Variants in VDAC1 observed in about 807,000 individuals in gnomAD.
VDAC1 encodes the protein non-selective voltage-gated ion channel VDAC1.
Under a neutral mutation model 34.7 loss-of-function variants are expected in VDAC1, and 10 were observed. The ratio of observed to expected loss-of-function variants is 0.29; its 90% confidence interval spans 0.18 to 0.49. VDAC1 has a LOEUF of 0.49. VDAC1 is among the 20% of genes least tolerant of loss of function. The pLI is 0.99. For missense variants in VDAC1, 230 were observed against 347.9 expected (o/e 0.66, Z 2.69); for synonymous variants, 130 against 136.0 (o/e 0.96, Z 0.30).
chr5:134,046,709 G>C, the VDAC1 span, among the ~76,000 whole-genome samples: 1 of 152,130 alleles, frequency 6.6e-6, no homozygotes, highest in Admixed American at 6.6e-5. Context: ...AGCACCTCAG[G>C]GGAAAGGAAA....
the VDAC1 span, among the ~76,000 whole-genome samples, chr5:134,103,227 T>G: frequency 6.6e-6 from 1 of 152,144 alleles, no homozygotes; most frequent in East Asian, 1.9e-4. Flanking sequence ...GCTCAAGCCA[T>G]CCGCCCACCT....
At chr5:133,977,634 C>T (rs1341984416) in intron 6 of VDAC1, among the ~76,000 whole-genome samples, 2 of 152,160 alleles carry the variant, frequency 1.3e-5, no homozygotes, top group Non-Finnish European at 2.9e-5. Context: ...GGGCTGGGGT[C>T]GGCACAGATC....
At chr5:134,070,308 A>G in the VDAC1 span, among the ~76,000 whole-genome samples, 1 of 151,578 alleles carries the variant, frequency 6.6e-6, no homozygotes, top group East Asian at 1.9e-4. Flanking sequence ...TGCTCGGTTA[A>G]TTTTTTTTAT....
chr5:134,002,613 T>C (rs1280439252), intron 1 of VDAC1, among the ~76,000 whole-genome samples: 1 of 152,204 alleles, frequency 6.6e-6, no homozygotes, highest in East Asian at 1.9e-4. Flanking sequence ...CTTTAAATAT[T>C]TGTGACTCTC....
At chr5:134,070,382 G>C in the VDAC1 span, among the ~76,000 whole-genome samples, 1 of 152,106 alleles carries the variant, frequency 6.6e-6, no homozygotes, top group Non-Finnish European at 1.5e-5. Context: ...GCTGCTGTCC[G>C]TGATCTGCCC....
the VDAC1 span, among the ~76,000 whole-genome samples, chr5:134,041,244 A>G: frequency 6.6e-6 from 1 of 152,208 alleles, no homozygotes; most frequent in African/African-American, 2.4e-5. Context: ...CACCTTGCTC[A>G]GGGGACTTCT....
At chr5:134,102,805 T>G in the VDAC1 span, among the ~76,000 whole-genome samples, 1 of 152,148 alleles carries the variant, frequency 6.6e-6, no homozygotes, top group Non-Finnish European at 1.5e-5. Context: ...TTTCCTGAGT[T>G]TGGGCTATAG....
At chr5:133,980,550 T>C (rs2126920813) in intron 6 of VDAC1, among the ~76,000 whole-genome samples, 179 bp downstream of exon 6, 1 of 147,322 alleles carries the variant, frequency 6.8e-6, no homozygotes, top group East Asian at 2.0e-4. Flanking sequence ...AATGGGTAGG[T>C]GGGAAACAAA....
chr5:134,027,776 T>G, the VDAC1 span, among the ~76,000 whole-genome samples: 4 of 149,276 alleles, frequency 2.7e-5, no homozygotes, highest in Non-Finnish European at 5.9e-5. Flanking sequence ...ACTTTTTTTT[T>G]TTTTTTTTTT....
At chr5:134,013,937 G>A in the VDAC1 span, among the ~76,000 whole-genome samples, 27 of 151,408 alleles carry the variant, frequency 1.8e-4, no homozygotes, top group Admixed American at 1.1e-3. Context: ...GTGAGACTCC[G>A]TCTCCCATCC....
At chr5:133,977,512 C>G (rs1403192526) in intron 6 of VDAC1, among the ~76,000 whole-genome samples, 1 of 152,154 alleles carries the variant, frequency 6.6e-6, no homozygotes, top group East Asian at 1.9e-4. Context: ...CTTAAGCTCT[C>G]AGAATTTGAA....
intron 5 of VDAC1, among the ~76,000 whole-genome samples, chr5:133,986,188 A>G (rs1752897554): frequency 6.6e-6 from 1 of 152,176 alleles, no homozygotes; most frequent in Non-Finnish European, 1.5e-5. Context: ...TTTGTGATGG[A>G]TACTCAGCGT....
intron 7 of VDAC1, among the ~76,000 whole-genome samples, chr5:133,975,133 G>A (rs1192512211): frequency 6.6e-6 from 1 of 152,024 alleles, no homozygotes; most frequent in Non-Finnish European, 1.5e-5. Flanking sequence ...AGCCAGGCAT[G>A]CTGGTGTGCC....
the VDAC1 span, among the ~76,000 whole-genome samples, chr5:134,071,750 C>T: frequency 6.6e-6 from 1 of 152,164 alleles, no homozygotes; most frequent in Non-Finnish European, 1.5e-5. The surrounding 1 kb of genome is among the most constrained non-coding windows in gnomAD (Gnocchi z 4.1). Context: ...TGGAGGGTGG[C>T]TGTGGGTTGA....
At chr5:134,096,219 GCCCCACTGACA>G in the VDAC1 span, among the ~76,000 whole-genome samples, 3 of 152,238 alleles carry the variant, frequency 2.0e-5, no homozygotes, top group African/African-American at 7.2e-5. Context: ...CCCTCCCCAG[GCCCCACTGACA>G]CTGCCGAGGG....
chr5:133,986,458 A>T (rs1752910280), intron 5 of VDAC1, among the ~76,000 whole-genome samples: 1 of 151,856 alleles, frequency 6.6e-6, no homozygotes, highest in Admixed American at 6.6e-5. Context: ...GTGCAGTGGT[A>T]CCATCTCGGC....
At chr5:133,989,896 A>C (rs1166729774) in intron 5 of VDAC1, among the ~76,000 whole-genome samples, 2 of 152,212 alleles carry the variant, frequency 1.3e-5, no homozygotes, top group Admixed American at 1.3e-4. Flanking sequence ...TTCCGACCTC[A>C]GGTGATTTGC....
the VDAC1 span, among the ~76,000 whole-genome samples, chr5:134,071,364 C>A: frequency 2.0e-5 from 3 of 152,150 alleles, no homozygotes; most frequent in African/African-American, 7.2e-5. This position sits in a 1 kb window ranked among gnomAD's most constrained non-coding sequence, Gnocchi z 4.1. Flanking sequence ...CACAAAGGGA[C>A]TCGCCCCTTC....
the VDAC1 span, among the ~76,000 whole-genome samples, chr5:134,105,709 TG>T: frequency 6.6e-6 from 1 of 152,342 alleles, no homozygotes; most frequent in African/African-American, 2.4e-5. Flanking sequence ...GGAAGCTGCA[TG>T]GGGACCCGGG....
Sources: gnomAD v4.1 joint callset for allele counts (sites outside exome capture counted in the v4.1 genomes callset) on GRCh38, gnomAD v4.1.1 for gene constraint, Gnocchi (gnomAD v3.1) non-coding constraint, MANE v1.5 for transcripts, NCBI Gene and HGNC (gene_info 2026-07-23, HGNC 2026-07-21) for gene names.